The following WDR41 variants were observed in gnomAD, a reference collection of about 807,000 sequenced individuals.
WDR41 encodes the protein WD repeat-containing protein 41.
In WDR41, 63 loss-of-function variants were observed where a neutral mutation model predicts 69.3. The observed-to-expected ratio is 0.91, with a 90% CI of 0.74 to 1.12. The LOEUF is 1.12. Among genes scored for constraint, WDR41 ranks in the 50% most tolerant of loss-of-function variants. The pLI, the probability that WDR41 is intolerant of heterozygous loss-of-function variation, is 0.00. For missense variants in WDR41, 543 were observed against 534.5 expected (o/e 1.02, Z -0.16); for synonymous variants, 185 against 192.1 (o/e 0.96, Z 0.31).
chr5:77,542,876 AC>A (rs769455671), intron 1 of WDR41, among the ~76,000 whole-genome samples: 3 of 152,102 alleles, frequency 2.0e-5, no homozygotes, highest in South Asian at 2.1e-4. Context: ...GGACCGGCAG[AC>A]CCCCTGATGG....
At chr5:77,438,400 C>G (rs1454366011) in intron 9 of WDR41, 39 bp from the exon 10 acceptor site, 1 of 1,609,520 alleles carries the variant, frequency 6.2e-7, no homozygotes, top group East Asian at 2.2e-5. Context: ...AAAACTAGCA[C>G]TCACCCTTCC....
At chr5:77,534,651 C>A (rs944675308) in intron 1 of WDR41, among the ~76,000 whole-genome samples, 1 of 152,122 alleles carries the variant, frequency 6.6e-6, no homozygotes, top group Non-Finnish European at 1.5e-5. Context: ...CCAGGCTGGT[C>A]TCAAACCCCT....
At chr5:77,532,073 C>T (rs1394919033) in intron 1 of WDR41, among the ~76,000 whole-genome samples, 1 of 151,940 alleles carries the variant, frequency 6.6e-6, no homozygotes. Context: ...GTGAATGTCA[C>T]TTTATTGTTC....
intron 2 of WDR41, among the ~76,000 whole-genome samples, chr5:77,469,577 G>C (rs1800469978): frequency 6.6e-6 from 1 of 152,114 alleles, no homozygotes; most frequent in Non-Finnish European, 1.5e-5. Context: ...ATTTCTGGCA[G>C]TCATTTTTGC....
intron 1 of WDR41, among the ~76,000 whole-genome samples, chr5:77,520,624 T>C (rs1802357172): frequency 6.6e-6 from 1 of 152,160 alleles, no homozygotes; most frequent in Non-Finnish European, 1.5e-5. Context: ...ACATTCTCCC[T>C]GCAAACTCCT....
At chr5:77,611,607 A>G (rs1165974463) in intron 1 of WDR41, among the ~76,000 whole-genome samples, 2 of 152,192 alleles carry the variant, frequency 1.3e-5, no homozygotes, top group Non-Finnish European at 2.9e-5. Context: ...TTTGAAACCA[A>G]CGAGAACAAG....
At chr5:77,526,305 TAAG>T (rs1802446033) in intron 1 of WDR41, among the ~76,000 whole-genome samples, 1 of 151,872 alleles carries the variant, frequency 6.6e-6, no homozygotes, top group Non-Finnish European at 1.5e-5. Flanking sequence ...CTCTAAAAAA[TAAG>T]GACTTTTTTT....
In WDR41 at chr5:77,433,245, C is replaced by T. The variant is rs146353207; in HGVS notation, c.1270G>A (p.Ala424Thr). Reference sequence around the variant, plus strand: ...TTCCACAAAATAATGAGATGATCAGCGGAGCACGTCACTAGTCCATGATCT... The same window carrying T: ...TTCCACAAAATAATGAGATGATCAGTGGAGCACGTCACTAGTCCATGATCT... ...FEDHGLVTCS[A>T]DHLIILWKNG... The change falls in exon 13 of 13, where the codon GCT becomes ACT. Residue 424 changes from alanine to threonine, a missense_variant. Ala to Thr is a moderately conservative substitution (Grantham distance 58). Coordinates refer to ENST00000296679, the MANE Select transcript of WDR41 (RefSeq NM_018268.4). 3.2e-5 allele frequency: 52 copies of T among 1,613,738 alleles called. No individual in the cohort carries two copies. Among genetic ancestry groups the T allele is most frequent in the Admixed American group, 2.8e-4 (17 of 59,976 alleles).
chr5:77,537,750 G>C (rs1039711994), intron 1 of WDR41, among the ~76,000 whole-genome samples: 7 of 152,150 alleles, frequency 4.6e-5, no homozygotes, highest in African/African-American at 1.7e-4. Context: ...GCCTCAGCAA[G>C]AGCATCAAGA....
At chr5:77,498,126 A>G (rs748260511) in intron 1 of WDR41, among the ~76,000 whole-genome samples, 6 of 152,192 alleles carry the variant, frequency 3.9e-5, no homozygotes, top group Non-Finnish European at 7.4e-5. Flanking sequence ...ATGAGTACAG[A>G]GTTTATGTTG....
chr5:77,489,549 A>G lies in WDR41; in HGVS notation c.75T>C (p.Gly25=), dbSNP rs1257565752. 3.1e-6 allele frequency: 5 copies of G among 1,596,442 alleles called. No homozygotes were observed. In the South Asian group the frequency reaches 5.6e-5, roughly 18 times the overall value. Residue 25 remains glycine, a synonymous_variant, in exon 2 of 13, where the codon GGT becomes GGC. Coordinates refer to ENST00000296679, the MANE Select transcript of WDR41 (RefSeq NM_018268.4). The part of the protein sequence containing the change: ...LAEKSPLQTI[G]EEQTQNPYTE... ...TGTAGGGATTCTGGGTTTGTTCTTC[A>G]CCTATTGTCTGTAAAGGAGATTTCT...
chr5:77,512,355 A>AGAGAGAGAGAGAGAGAGAGAGAGAGT (rs1335024335), intron 1 of WDR41, among the ~76,000 whole-genome samples: 15 of 119,394 alleles, frequency 1.3e-4, no homozygotes, highest in Non-Finnish European at 2.1e-4. Flanking sequence ...AGAGAGAGTG[A>AGAGAGAGAGAGAGAGAGAGAGAGAGT]GTGTGTGTGT....
intron 1 of WDR41, among the ~76,000 whole-genome samples, chr5:77,614,259 C>A (rs1188388322): frequency 6.6e-6 from 1 of 150,780 alleles, no homozygotes; most frequent in Non-Finnish European, 1.5e-5. Context: ...GGATCTAGAA[C>A]TAGAAATACC....
chr5:77,461,444 T>C (rs960799545), intron 4 of WDR41, among the ~76,000 whole-genome samples: 1 of 152,254 alleles, frequency 6.6e-6, no homozygotes, highest in African/African-American at 2.4e-5. Flanking sequence ...ATCTTGGTTC[T>C]GTAAGAGCCT....
Position 77,481,568 on chromosome 5 carries a change from C to T in WDR41, c.167+7889G>A, listed in dbSNP as rs568357519. On this transcript the variant is annotated intron_variant, in intron 2 of 12. Transcript: ENST00000296679. ...TTGGGAGGCCGAGGCAGGCGGAACA[C>T]GAGATCAGGAGTTCGAGACCAGCCT... 6.6e-5 allele frequency among the ~76,000 whole-genome samples: 10 copies of T among 152,056 alleles called. No homozygotes were observed. The South Asian group carries it at 8.3e-4, about 13-fold the overall frequency.
chr5:77,448,442 G>T (rs778540856), intron 8 of WDR41, among the ~76,000 whole-genome samples: 3 of 152,202 alleles, frequency 2.0e-5, no homozygotes, highest in Non-Finnish European at 4.4e-5. Context: ...TTGGGAGGAA[G>T]ATTTTGGAGC....
At chr5:77,492,811 C>T (rs1454396489), upstream of WDR41, among the ~76,000 whole-genome samples, 1 of 152,186 alleles carries the variant, frequency 6.6e-6, no homozygotes, top group African/African-American at 2.4e-5. Flanking sequence ...TATAGTACAG[C>T]TACTGTGCTA....
intron 1 of WDR41, among the ~76,000 whole-genome samples, chr5:77,568,741 A>G (rs988736699): frequency 1.3e-5 from 2 of 152,162 alleles, no homozygotes; most frequent in African/African-American, 4.8e-5. Flanking sequence ...GTCAAATGAT[A>G]AATATCCAAC....
At chr5:77,586,340 T>C (rs1415793533) in intron 1 of WDR41, among the ~76,000 whole-genome samples, 1 of 152,184 alleles carries the variant, frequency 6.6e-6, no homozygotes. Flanking sequence ...AGTGTCTTAC[T>C]CTGTCACCCA....
Sources: allele counts gnomAD v4.1 joint callset (sites outside exome capture counted in the v4.1 genomes callset), GRCh38; gene constraint gnomAD v4.1.1; transcripts MANE v1.5; gene names NCBI Gene and HGNC (gene_info 2026-07-23, HGNC 2026-07-21).